AGBL1: variants seen among roughly 807,000 people sequenced by gnomAD.
AGBL1 encodes the protein cytosolic carboxypeptidase 4.
A neutral mutation model predicts 118.9 loss-of-function variants in AGBL1; 130 were observed. The ratio of observed to expected loss-of-function variants is 1.09; its 90% CI spans 0.95 to 1.26. The LOEUF is 1.26. AGBL1 is among the 50% of genes most tolerant of loss of function. The pLI, the probability that AGBL1 is intolerant of heterozygous loss-of-function variation, is 0.00. For synonymous variants in AGBL1, 555 were observed against 478.9 expected (o/e 1.16, Z -2.08); for missense variants, 1,584 against 1,298.1 (o/e 1.22, Z -3.38).
chr15:86,570,468 G>T lies in AGBL1; in HGVS notation c.2994+15931G>T, dbSNP rs554485197. On this transcript the variant is annotated intron_variant, in intron 21 of 22. Transcript: ENST00000614907. ...TTTATGGGTTTTTCTTTAATCAAGG[G>T]GTAGAATATTCATAAAGATTCCTGG... Among the ~76,000 whole-genome samples the T allele has an allele frequency of 2.0e-5, 3 of 152,206 alleles. No individual in the cohort carries two copies. The South Asian group carries it at 6.2e-4, about 32-fold the overall frequency.
At chr15:86,408,310 C>G (rs1317991415) in intron 18 of AGBL1, among the ~76,000 whole-genome samples, 1 of 152,158 alleles carries the variant, frequency 6.6e-6, no homozygotes, top group Non-Finnish European at 1.5e-5. Flanking sequence ...CTTGTGAATT[C>G]TCATTCCAAG....
At chr15:86,200,687 G>A (rs548945333) in intron 5 of AGBL1, among the ~76,000 whole-genome samples, 113 of 151,414 alleles carry the variant, frequency 7.5e-4, no homozygotes, top group Non-Finnish European at 1.4e-3. Context: ...CGCGATCTCG[G>A]CTCACTGCAA....
chr15:86,361,533 G>A (rs1241622370), intron 17 of AGBL1, among the ~76,000 whole-genome samples: 2 of 151,998 alleles, frequency 1.3e-5, no homozygotes, highest in Non-Finnish European at 2.9e-5. Context: ...ATCCCTTATA[G>A]AGAATGGAGT....
intron 18 of AGBL1, among the ~76,000 whole-genome samples, chr15:86,500,275 A>C (rs1386254317): frequency 6.6e-6 from 1 of 151,788 alleles, no homozygotes; most frequent in Non-Finnish European, 1.5e-5. Flanking sequence ...GCTTCTTGAT[A>C]ATCATTAGGT....
intron 18 of AGBL1, among the ~76,000 whole-genome samples, chr15:86,420,820 T>A (rs2081778320): frequency 6.6e-6 from 1 of 152,110 alleles, no homozygotes; most frequent in African/African-American, 2.4e-5. Context: ...CATGCACAAG[T>A]ATCAATAGCC....
intron 24 of AGBL1, among the ~76,000 whole-genome samples, chr15:87,021,381 A>T (rs964983435): frequency 1.3e-5 from 2 of 152,312 alleles, no homozygotes; most frequent in Admixed American, 1.3e-4. Context: ...AAAACCCAAA[A>T]TTATAAAAAC....
At chr15:86,753,447 G>C (rs566854975) in intron 22 of AGBL1, among the ~76,000 whole-genome samples, 2 of 142,698 alleles carry the variant, frequency 1.4e-5, no homozygotes, top group East Asian at 4.1e-4. Context: ...GCCCAGGCTG[G>C]AGTGCAGTGG....
chr15:86,886,156 A>C (rs879920759), intron 22 of AGBL1, among the ~76,000 whole-genome samples: 1 of 152,220 alleles, frequency 6.6e-6, no homozygotes, highest in Non-Finnish European at 1.5e-5. Context: ...CTCATACTTC[A>C]TATGAAGTAA....
intron 22 of AGBL1, among the ~76,000 whole-genome samples, chr15:86,746,644 C>A (rs2077760847): frequency 6.6e-6 from 1 of 152,022 alleles, no homozygotes; most frequent in Non-Finnish European, 1.5e-5. Context: ...AGGTACCAAA[C>A]AAATATTTCT....
chr15:86,438,203 G>T (rs2082021791), intron 18 of AGBL1, among the ~76,000 whole-genome samples: 1 of 152,138 alleles, frequency 6.6e-6, no homozygotes, highest in African/African-American at 2.4e-5. Flanking sequence ...ACTGCACCCG[G>T]CCAAGCCTCA....
intron 15 of AGBL1, among the ~76,000 whole-genome samples, chr15:86,274,863 T>C (rs1023217852): frequency 6.6e-6 from 1 of 152,062 alleles, no homozygotes; most frequent in African/African-American, 2.4e-5. Context: ...AAGGAGAAAT[T>C]CTAATATTTT....
intron 23 of AGBL1, among the ~76,000 whole-genome samples, chr15:86,924,205 G>C (rs2080508362): frequency 6.6e-6 from 1 of 152,190 alleles, no homozygotes. Context: ...ACAAATGTTT[G>C]CATCACGATA....
downstream of AGBL1, among the ~76,000 whole-genome samples, chr15:86,918,166 C>T (rs2080447732): frequency 6.6e-6 from 1 of 152,190 alleles, no homozygotes; most frequent in Admixed American, 6.5e-5. Flanking sequence ...AATCAACTTA[C>T]CATAAACATG....
intron 5 of AGBL1, among the ~76,000 whole-genome samples, chr15:86,223,756 AG>A (rs1349643434): frequency 2.3e-4 from 35 of 152,216 alleles, no homozygotes; most frequent in Admixed American, 3.3e-4. Flanking sequence ...ACTGCCTTGT[AG>A]GTTATGGGGA....
At chr15:86,768,671 C>T (rs1440445161) in intron 22 of AGBL1, among the ~76,000 whole-genome samples, 1 of 151,878 alleles carries the variant, frequency 6.6e-6, no homozygotes, top group Non-Finnish European at 1.5e-5. Context: ...CACTATCTAC[C>T]ACATTGCATT....
chr15:86,117,203 T>C (rs893934517), intron 1 of AGBL1, among the ~76,000 whole-genome samples: 1 of 152,090 alleles, frequency 6.6e-6, no homozygotes, highest in Non-Finnish European at 1.5e-5. Flanking sequence ...GATGCATGAT[T>C]ACCTGCCTTG....
chr15:86,160,332 CATTT>C (rs1354913910), intron 5 of AGBL1, among the ~76,000 whole-genome samples: 15 of 152,176 alleles, frequency 9.9e-5, no homozygotes, highest in Non-Finnish European at 1.8e-4. Flanking sequence ...CTTAAATTTA[CATTT>C]ATGTCAGATA....
At chr15:86,306,483 T>C (rs986781731) in intron 17 of AGBL1, among the ~76,000 whole-genome samples, 11 of 152,246 alleles carry the variant, frequency 7.2e-5, no homozygotes, top group Non-Finnish European at 1.5e-4. Context: ...TTGTTGCAAA[T>C]GACTGAATCT....
intron 18 of AGBL1, among the ~76,000 whole-genome samples, chr15:86,482,123 A>C (rs2082660306): frequency 6.6e-6 from 1 of 152,184 alleles, no homozygotes; most frequent in Admixed American, 6.5e-5. Context: ...TGATGAGTTA[A>C]CCTACTTTTG....
Sources: gnomAD v4.1 joint callset for allele counts (sites outside exome capture counted in the v4.1 genomes callset) on GRCh38, gnomAD v4.1.1 for gene constraint, MANE v1.5 for transcripts, NCBI Gene and HGNC (gene_info 2026-07-23, HGNC 2026-07-21) for gene names.